Variants in XIRP2 observed in about 807,000 individuals in gnomAD.
XIRP2 encodes xin actin binding repeat containing 2.
Under a neutral mutation model 277.0 loss-of-function variants are expected in XIRP2, and 236 were observed. That is an observed-to-expected ratio of 0.85 (90% CI 0.77 to 0.95). XIRP2 has a LOEUF of 0.95. XIRP2 is among the 40% of genes least tolerant of loss of function. XIRP2 has a pLI of 0.00. For missense variants in XIRP2, 4,640 were observed against 4,157.5 expected, an observed-to-expected ratio of 1.12 and a Z score of -3.19; for synonymous variants, 1,490 against 1,416.5, an observed-to-expected ratio of 1.05 and a Z score of -1.17.
At chr2:167,232,904 A>T (rs1008370445) in intron 5 of XIRP2, among the ~76,000 whole-genome samples, 21 of 151,910 alleles carry the variant, frequency 1.4e-4, no homozygotes, top group African/African-American at 5.1e-4. Flanking sequence ...TTAGGCACCC[A>T]CCATATGTCA....
chr2:166,962,509 A>ATAATTTAATAAT (rs1297826074), intron 2 of XIRP2, among the ~76,000 whole-genome samples: 1 of 151,762 alleles, frequency 6.6e-6, no homozygotes, highest in Non-Finnish European at 1.5e-5. Context: ...CATCTATAAC[A>ATAATTTAATAAT]GCAAATTATT....
At chr2:167,241,174 A>T (rs1033537280) in intron 7 of XIRP2, among the ~76,000 whole-genome samples, 2 of 152,176 alleles carry the variant, frequency 1.3e-5, no homozygotes, top group Non-Finnish European at 2.9e-5. Flanking sequence ...AAGTTTGCAC[A>T]AGACTGGACA....
At chr2:167,127,127 A>AT (rs1691229421) in intron 2 of XIRP2, among the ~76,000 whole-genome samples, 1 of 151,860 alleles carries the variant, frequency 6.6e-6, no homozygotes, top group Admixed American at 6.6e-5. Context: ...TTTTTATTGC[A>AT]TTTTTTTCTT....
chr2:167,010,517 T>G (rs901296810), intron 2 of XIRP2, among the ~76,000 whole-genome samples: 1 of 152,182 alleles, frequency 6.6e-6, no homozygotes, highest in Non-Finnish European at 1.5e-5. Flanking sequence ...GCCTCCAGCT[T>G]TGTTCTTTTG....
At chr2:167,064,736 G>A (rs1215255336) in intron 2 of XIRP2, among the ~76,000 whole-genome samples, 6 of 151,852 alleles carry the variant, frequency 4.0e-5, no homozygotes, top group Admixed American at 3.3e-4. Context: ...GTACCTTATA[G>A]AAGTGAGGTC....
At position 167,244,345 on chromosome 2, in the gene XIRP2, A is replaced by G; in HGVS notation, c.2953A>G (p.Thr985Ala). The G allele has an allele frequency of 1.2e-6, 2 of 1,613,756 alleles. No individual in the cohort carries two copies. Among genetic ancestry groups the G allele is most frequent in the Non-Finnish European group, 1.7e-6 (2 of 1,179,836 alleles). ...AGAGTTAAATAAATCTCTCTTCGAG[A>G]CAACACCACTGTATGCCATTCAAGA... ...AVELNKSLFE[T>A]TPLYAIQDPL... The change falls in exon 9 of 11, where the codon ACA (threonine) becomes GCA (alanine). Residue 985 changes from threonine to alanine, a missense_variant. By Grantham distance (58) the Thr-to-Ala change is moderately conservative. Transcript: ENST00000409195.
chr2:166,928,302 A>T (rs1685242013), intron 2 of XIRP2, among the ~76,000 whole-genome samples: 1 of 152,130 alleles, frequency 6.6e-6, no homozygotes, highest in Non-Finnish European at 1.5e-5. Flanking sequence ...AGCCATAGTC[A>T]TGTGTTATAA....
At chr2:167,257,337 T>C (rs1456139758) in intron 10 of XIRP2, among the ~76,000 whole-genome samples, 1 of 151,406 alleles carries the variant, frequency 6.6e-6, no homozygotes, top group Non-Finnish European at 1.5e-5. Flanking sequence ...ATGTGTAGAT[T>C]CATAGATATT....
At chr2:167,127,745 T>A (rs1474206511) in intron 2 of XIRP2, among the ~76,000 whole-genome samples, 2 of 152,190 alleles carry the variant, frequency 1.3e-5, no homozygotes, top group Non-Finnish European at 2.9e-5. Flanking sequence ...TTAATTCACT[T>A]CCTGGCCCTT....
chr2:167,242,942 A>G lies in XIRP2; in HGVS notation c.1550A>G (p.Tyr517Cys), dbSNP rs1695120260. The G allele has an allele frequency of 6.2e-7, 1 of 1,613,630 alleles. No homozygotes were observed. The highest frequency in any genetic ancestry group is 1.3e-5 in the African/African-American group (1 of 74,854). ...PELRKNLEKD[Y>C]ISEVSEIVSS... Reference sequence around the variant, plus strand: ...TTAAGAAAAAACTTAGAAAAAGATTATATCAGTGAAGTTTCTGAGATTGTT... The same window carrying G: ...TTAAGAAAAAACTTAGAAAAAGATTGTATCAGTGAAGTTTCTGAGATTGTT... Residue 517 changes from tyrosine to cysteine, a missense_variant, in exon 9 of 11, where the codon TAT (tyrosine) becomes TGT (cysteine). Coordinates refer to ENST00000409195, the MANE Select transcript of XIRP2 (RefSeq NM_152381.6).
Position 167,090,509 on chromosome 2 carries a change from T to G in XIRP2, c.409-45400T>G, listed in dbSNP as rs189062552. On this transcript the variant is annotated intron_variant, in intron 2 of 10. Transcript: ENST00000409195. The stretch of plus-strand genomic sequence containing the variant: ...TTTTATTTGTTTGAAAATATTTTTA[T>G]TTTACTTGCAAGTTGGTAAGATATT... 2.1e-4 allele frequency among the ~76,000 whole-genome samples: 32 copies of G among 152,272 alleles called. 1 individual carries two copies. The highest frequency in any genetic ancestry group is 7.5e-4 in the African/African-American group (31 of 41,526).
At chr2:167,089,238 C>T (rs939678011) in intron 2 of XIRP2, among the ~76,000 whole-genome samples, 8 of 152,074 alleles carry the variant, frequency 5.3e-5, no homozygotes, top group Non-Finnish European at 1.2e-4. Flanking sequence ...ATCACTTTTC[C>T]AATAGCAAAG....
intron 8 of XIRP2, 98 bp downstream of exon 8, chr2:167,242,008 C>CA (rs202135352): frequency 7.2e-4 from 983 of 1,369,680 alleles, no homozygotes; most frequent in African/African-American, 2.1e-3. Flanking sequence ...GGCTTTTCAA[C>CA]AAAAAAAAAT....
At chr2:166,996,339 T>C (rs1687219241) in intron 2 of XIRP2, among the ~76,000 whole-genome samples, 1 of 152,178 alleles carries the variant, frequency 6.6e-6, no homozygotes, top group Non-Finnish European at 1.5e-5. Flanking sequence ...AATTCTAAAA[T>C]GTCTAGTTGG....
At chr2:167,020,949 G>C (rs900225504) in intron 2 of XIRP2, among the ~76,000 whole-genome samples, 1 of 151,900 alleles carries the variant, frequency 6.6e-6, no homozygotes, top group Non-Finnish European at 1.5e-5. Context: ...TATTCCAGTG[G>C]TCTTCGAAAT....
intron 2 of XIRP2, among the ~76,000 whole-genome samples, chr2:167,084,882 C>G (rs927574419): frequency 3.9e-4 from 59 of 151,586 alleles, no homozygotes; most frequent in African/African-American, 1.4e-3. Context: ...TTGATCCTTT[C>G]AAAAAACCAG....
At chr2:167,127,796 C>T (rs1387613123) in intron 2 of XIRP2, among the ~76,000 whole-genome samples, 1 of 152,194 alleles carries the variant, frequency 6.6e-6, no homozygotes, top group African/African-American at 2.4e-5. Flanking sequence ...CCAGAGAACC[C>T]TGTTGTTCTG....
At position 167,155,858 on chromosome 2, in the gene XIRP2, A is replaced by G. The variant is rs578200581; in HGVS notation, c.562+19796A>G. 5.9e-5 allele frequency among the ~76,000 whole-genome samples: 9 copies of G among 151,796 alleles called. No homozygotes were observed. In the South Asian group the frequency reaches 1.7e-3, roughly 28 times the overall value. On this transcript the variant is annotated intron_variant, in intron 3 of 10. Coordinates refer to ENST00000409195, the MANE Select transcript of XIRP2 (RefSeq NM_152381.6). ...TATATCTAGAAAACCCCATTGTCTCAGCCCAAAATCTCCTTAAGCTGATAA... is the reference window on the plus strand; with the variant it reads ...TATATCTAGAAAACCCCATTGTCTCGGCCCAAAATCTCCTTAAGCTGATAA...
chr2:167,234,302 A>AAT (rs1485625530), intron 5 of XIRP2, among the ~76,000 whole-genome samples: 12 of 151,518 alleles, frequency 7.9e-5, no homozygotes, highest in Admixed American at 7.9e-4. Flanking sequence ...AAATTTATGC[A>AAT]ATATATCTGC....
Sources: allele counts gnomAD v4.1 joint callset (sites outside exome capture counted in the v4.1 genomes callset), GRCh38; gene constraint gnomAD v4.1.1; transcripts MANE v1.5; gene names NCBI Gene and HGNC (gene_info 2026-07-23, HGNC 2026-07-21).